Variants in CAMTA1 observed in about 807,000 individuals in gnomAD.
The protein encoded by CAMTA1 is calmodulin binding transcription activator 1.
In CAMTA1, 27 loss-of-function variants were observed where a neutral mutation model predicts 170.9. The ratio of observed to expected loss-of-function variants is 0.16; its 90% CI spans 0.12 to 0.22. The LOEUF (loss-of-function observed/expected upper bound fraction) is 0.22. Ranked by LOEUF, CAMTA1 falls within the 10% of genes least tolerant of loss-of-function variation. The pLI is 1.00. For missense variants in CAMTA1, 1,619 were observed against 2,217.2 expected (o/e 0.73, Z 5.42); for synonymous variants, 833 against 891.5 (o/e 0.93, Z 1.17).
chr1:7,528,426 T>G (rs873609), intron 6 of CAMTA1, among the ~76,000 whole-genome samples: 24 of 150,934 alleles, frequency 1.6e-4, no homozygotes, highest in African/African-American at 4.9e-4. Context: ...AATATTTTGG[T>G]TTTTTAAAAA....
At chr1:7,085,708 A>G (rs1435880379) in intron 3 of CAMTA1, among the ~76,000 whole-genome samples, 1 of 152,244 alleles carries the variant, frequency 6.6e-6, no homozygotes, top group Non-Finnish European at 1.5e-5. Flanking sequence ...TGGCACAGCA[A>G]TGCATGCTCA....
At chr1:7,711,419 GACGCTAGGGGGGCCAACTGTGAAGGA>G (rs1214389600) in intron 11 of CAMTA1, among the ~76,000 whole-genome samples, 1 of 152,122 alleles carries the variant, frequency 6.6e-6, no homozygotes, top group Non-Finnish European at 1.5e-5. Context: ...TGAAGGAAGG[GACGCTAGGGGGGCCAACTGTGAAGGA>G]ACCAATAGGT....
intron 6 of CAMTA1, among the ~76,000 whole-genome samples, chr1:7,638,610 C>G (rs554159163): frequency 1.3e-5 from 2 of 151,994 alleles, no homozygotes; most frequent in Admixed American, 1.3e-4. Context: ...CCACTGCACT[C>G]CAGCCTAGGT....
intron 5 of CAMTA1, among the ~76,000 whole-genome samples, chr1:7,255,712 G>A (rs1258639217): frequency 6.6e-6 from 1 of 152,110 alleles, no homozygotes; most frequent in Admixed American, 6.6e-5. Context: ...TAAGTAACAA[G>A]GAGTCTCCAC....
At chr1:7,342,602 CA>C (rs1197585010) in intron 5 of CAMTA1, among the ~76,000 whole-genome samples, 2 of 152,162 alleles carry the variant, frequency 1.3e-5, no homozygotes, top group Non-Finnish European at 2.9e-5. Context: ...TAAAATCCTA[CA>C]ACACTTAGAA....
intron 3 of CAMTA1, among the ~76,000 whole-genome samples, chr1:6,961,450 G>A (rs570157332): frequency 2.0e-5 from 3 of 152,296 alleles, no homozygotes; most frequent in Admixed American, 6.5e-5. Flanking sequence ...TGGGTGCTGG[G>A]CCGGCAAGAA....
intron 4 of CAMTA1, among the ~76,000 whole-genome samples, chr1:7,102,018 TACACAACAC>T (rs1387705352): frequency 7.1e-6 from 1 of 140,074 alleles, no homozygotes; most frequent in African/African-American, 2.7e-5. Flanking sequence ...CATGCATAAA[TACACAACAC>T]ACACACACAC....
chr1:7,636,439 G>T (rs897051965), intron 6 of CAMTA1, among the ~76,000 whole-genome samples: 1 of 152,108 alleles, frequency 6.6e-6, no homozygotes, highest in Non-Finnish European at 1.5e-5. Context: ...CTTCCCGGCC[G>T]GGTGCAGTGG....
intron 3 of CAMTA1, among the ~76,000 whole-genome samples, chr1:7,002,479 G>A (rs1237012656): frequency 1.3e-5 from 2 of 152,152 alleles, no homozygotes; most frequent in Non-Finnish European, 2.9e-5. Context: ...TTGTGTGTTG[G>A]CCCACCAGAA....
At chr1:7,288,567 C>T (rs983566160) in intron 5 of CAMTA1, among the ~76,000 whole-genome samples, 1 of 152,142 alleles carries the variant, frequency 6.6e-6, no homozygotes, top group Non-Finnish European at 1.5e-5. Context: ...GGAAAAGACT[C>T]AGGACAGGGC....
intron 11 of CAMTA1, among the ~76,000 whole-genome samples, chr1:7,716,197 T>G (rs2096608697): frequency 6.6e-6 from 1 of 152,088 alleles, no homozygotes; most frequent in South Asian, 2.1e-4. Flanking sequence ...CGTGCCCAGC[T>G]AATTTTTTTA....
intron 3 of CAMTA1, among the ~76,000 whole-genome samples, chr1:6,968,754 G>T (rs1004104064): frequency 6.6e-6 from 1 of 151,642 alleles, no homozygotes; most frequent in Non-Finnish European, 1.5e-5. Flanking sequence ...AAAAGGAGAC[G>T]GATAGAGAGA....
At chr1:7,556,952 G>A (rs1021307317) in intron 6 of CAMTA1, among the ~76,000 whole-genome samples, 3 of 152,178 alleles carry the variant, frequency 2.0e-5, no homozygotes, top group Non-Finnish European at 4.4e-5. Flanking sequence ...ACCCTTTGAG[G>A]CAGGTGTTCT....
At chr1:6,938,770 T>G (rs1685905352) in intron 3 of CAMTA1, among the ~76,000 whole-genome samples, 1 of 152,176 alleles carries the variant, frequency 6.6e-6, no homozygotes, top group Non-Finnish European at 1.5e-5. Flanking sequence ...GTGGCCCATC[T>G]GGGACTCTGG....
chr1:7,242,848 G>A (rs983364935), intron 4 of CAMTA1, among the ~76,000 whole-genome samples: 6 of 152,038 alleles, frequency 3.9e-5, no homozygotes, highest in Admixed American at 3.3e-4. Context: ...TATAGTCCCA[G>A]CTACTTGGGA....
At chr1:7,372,449 C>G (rs2086543281) in intron 5 of CAMTA1, among the ~76,000 whole-genome samples, 1 of 152,192 alleles carries the variant, frequency 6.6e-6, no homozygotes, top group African/African-American at 2.4e-5. Flanking sequence ...GTATCCACAT[C>G]CTACCCCACC....
rs1164592781 is a variant in CAMTA1 at position 7,601,268 on chromosome 1, G to T, written c.511-39132G>T. ...AGGGGCTCCTCACTTCTCAGACGGG[G>T]CGGTTGCCAGGCAGAGGGTCTCCTC... On this transcript the variant is annotated intron_variant, in intron 6 of 22. Coordinates refer to ENST00000303635, the MANE Select transcript of CAMTA1 (RefSeq NM_015215.4). Among the ~76,000 whole-genome samples the T allele has an allele frequency of 2.6e-5, 4 of 152,074 alleles. No individual in the cohort carries two copies. The East Asian group carries it at 7.7e-4, about 29-fold the overall frequency.
intron 6 of CAMTA1, among the ~76,000 whole-genome samples, chr1:7,608,961 GA>G (rs2150654168): frequency 1.3e-5 from 2 of 152,224 alleles, no homozygotes; most frequent in Non-Finnish European, 2.9e-5. Flanking sequence ...ATTCTATGGG[GA>G]AATTCTAAGC....
At chr1:6,921,975 C>T (rs1557830256) in intron 3 of CAMTA1, among the ~76,000 whole-genome samples, 1 of 151,910 alleles carries the variant, frequency 6.6e-6, no homozygotes, top group South Asian at 2.1e-4. Context: ...CCAAATGAGG[C>T]CATTAAAAGC....
Sources: gnomAD v4.1 joint callset for allele counts (sites outside exome capture counted in the v4.1 genomes callset) on GRCh38, gnomAD v4.1.1 for gene constraint, MANE v1.5 for transcripts, NCBI Gene and HGNC (gene_info 2026-07-23, HGNC 2026-07-21) for gene names.